The following GREM2 variants were observed in gnomAD, a reference collection of about 807,000 sequenced individuals.
GREM2 encodes the protein gremlin 2, DAN family BMP antagonist, also known as gremlin-2.
GREM2 carries 11 observed loss-of-function variants against 14.2 expected under a neutral mutation model. The ratio of observed to expected loss-of-function variants is 0.78; its 90% CI spans 0.49 to 1.28. GREM2 has a LOEUF of 1.28. GREM2 is among the 50% of genes most tolerant of loss of function. GREM2 has a pLI of 0.00. For missense variants in GREM2, 210 were observed against 218.5 expected (o/e 0.96, Z 0.24); for synonymous variants, 98 against 97.6 (o/e 1.00, Z -0.02).
intron 1 of GREM2, among the ~76,000 whole-genome samples, chr1:240,546,998 C>T (rs1163106693): frequency 6.6e-6 from 1 of 152,070 alleles, no homozygotes; most frequent in Non-Finnish European, 1.5e-5. Context: ...AGAGAAGACA[C>T]TGAAGACCGA....
At chr1:240,526,827 G>A (rs1183498873) in intron 1 of GREM2, among the ~76,000 whole-genome samples, 1 of 152,228 alleles carries the variant, frequency 6.6e-6, no homozygotes, top group Non-Finnish European at 1.5e-5. Context: ...GAATTTGGAT[G>A]TCGCCAGGTT....
intron 1 of GREM2, among the ~76,000 whole-genome samples, chr1:240,607,425 T>A (rs1029265401): frequency 2.0e-5 from 3 of 152,218 alleles, no homozygotes; most frequent in African/African-American, 4.8e-5. Flanking sequence ...TTTGCCTGTT[T>A]CCTTCAAAGT....
In GREM2 at chr1:240,501,677, C is replaced by T. The variant is rs527388856; in HGVS notation, c.-1-8201G>A. On this transcript the variant is annotated intron_variant, in intron 1 of 1. Coordinates refer to ENST00000318160, the MANE Select transcript of GREM2 (RefSeq NM_022469.4). Reference sequence around the variant, plus strand: ...CTTCTCTCTAGGGTACATCCATGTGCGGATGGGAGGGAGAACATGGTTTCT... The same window carrying T: ...CTTCTCTCTAGGGTACATCCATGTGTGGATGGGAGGGAGAACATGGTTTCT... 2.2e-4 allele frequency among the ~76,000 whole-genome samples: 33 copies of T among 152,240 alleles called. 1 individual carries two copies. The South Asian group carries it at 5.6e-3, about 26-fold the overall frequency.
intron 1 of GREM2, among the ~76,000 whole-genome samples, chr1:240,502,870 C>A (rs1025440365): frequency 6.6e-6 from 1 of 152,178 alleles, no homozygotes; most frequent in Non-Finnish European, 1.5e-5. Flanking sequence ...TTGGTCCAAG[C>A]CAATTGGTTA....
At chr1:240,604,033 G>C (rs991786320) in intron 1 of GREM2, among the ~76,000 whole-genome samples, 5 of 151,510 alleles carry the variant, frequency 3.3e-5, no homozygotes, top group African/African-American at 1.2e-4. Flanking sequence ...AGGGGTTAAG[G>C]GGAGGCAGGG....
At chr1:240,586,209 T>C (rs1679597644) in intron 1 of GREM2, among the ~76,000 whole-genome samples, 1 of 152,212 alleles carries the variant, frequency 6.6e-6, no homozygotes. Context: ...ATAGAGTTAC[T>C]TTCTCACTAA....
At chr1:240,501,303 T>C (rs1327524622) in intron 1 of GREM2, among the ~76,000 whole-genome samples, 3 of 152,200 alleles carry the variant, frequency 2.0e-5, no homozygotes, top group African/African-American at 4.8e-5. Flanking sequence ...AAGTTTGAAA[T>C]CCAAATGGAT....
chr1:240,577,735 C>A (rs114798984), intron 1 of GREM2, among the ~76,000 whole-genome samples: 1,664 of 152,202 alleles, frequency 0.011, 26 homozygotes, highest in African/African-American at 0.037. Flanking sequence ...ACAGTATTAG[C>A]GATTTTTAAA....
chr1:240,535,677 T>C (rs1678455826), intron 1 of GREM2, among the ~76,000 whole-genome samples: 1 of 151,562 alleles, frequency 6.6e-6, no homozygotes, highest in African/African-American at 2.4e-5. Context: ...TGCATGCCTG[T>C]AATCCCAGTT....
chr1:240,549,552 C>A (rs1678804289), intron 1 of GREM2, among the ~76,000 whole-genome samples: 1 of 152,102 alleles, frequency 6.6e-6, no homozygotes, highest in Admixed American at 6.6e-5. Flanking sequence ...AACAAAAAAA[C>A]CGGTGCATCT....
intron 1 of GREM2, among the ~76,000 whole-genome samples, chr1:240,495,470 A>G (rs11584006): frequency 0.037 from 5,594 of 152,328 alleles, 119 homozygotes; most frequent in Middle Eastern, 0.078. Context: ...TTTACGTCTT[A>G]AATATATCCA....
Position 240,542,145 on chromosome 1 carries a change from C to T in GREM2, c.-1-48669G>A, listed in dbSNP as rs34507889. On this transcript the variant is annotated intron_variant, in intron 1 of 1. Coordinates refer to ENST00000318160, the MANE Select transcript of GREM2 (RefSeq NM_022469.4). The surrounding 1 kb of genome is among the most constrained non-coding windows in gnomAD (Gnocchi z 4.1). ...AGGATGCCGAACATCCTGCAATGCA[C>T]AAGACAGTCCTCCACGACAAAACAC... Among the ~76,000 whole-genome samples, 640 of 152,152 alleles carry T rather than the reference C, an allele frequency of 4.2e-3. 2 individuals are homozygous for T. Among genetic ancestry groups the T allele is most frequent in the Admixed American group, 5.8e-3 (88 of 15,270 alleles).
In GREM2 at chr1:240,573,470, T is replaced by C. The variant is rs138729001; in HGVS notation, c.-2+38414A>G. ...ATTTTGATATTTTGTTCACCATGGA[T>C]TTTTTTGGCATTAATTTTGATGTTT... On this transcript the variant is annotated intron_variant, in intron 1 of 1. Coordinates refer to ENST00000318160, the MANE Select transcript of GREM2 (RefSeq NM_022469.4). 1.9e-3 allele frequency among the ~76,000 whole-genome samples: 292 copies of C among 152,286 alleles called. 1 individual carries two copies. The highest frequency in any genetic ancestry group is 6.7e-3 in the African/African-American group (279 of 41,544).
At chr1:240,571,553 G>A (rs754580203) in intron 1 of GREM2, among the ~76,000 whole-genome samples, 4 of 151,974 alleles carry the variant, frequency 2.6e-5, no homozygotes, top group South Asian at 4.2e-4. Context: ...AAAATTAGCC[G>A]GGCATGGTGG....
At chr1:240,516,211 T>C (rs1373668723) in intron 1 of GREM2, among the ~76,000 whole-genome samples, 1 of 151,112 alleles carries the variant, frequency 6.6e-6, no homozygotes, top group African/African-American at 2.4e-5. Context: ...TTATCCCACC[T>C]CAGTATCCCC....
chr1:240,497,967 A>G (rs1255213453), intron 1 of GREM2, among the ~76,000 whole-genome samples: 1 of 152,202 alleles, frequency 6.6e-6, no homozygotes, highest in Non-Finnish European at 1.5e-5. Flanking sequence ...CCAGCCAGGA[A>G]AGATTGACAG....
chr1:240,497,131 T>C (rs1677442042), intron 1 of GREM2, among the ~76,000 whole-genome samples: 1 of 152,020 alleles, frequency 6.6e-6, no homozygotes, highest in Non-Finnish European at 1.5e-5. Flanking sequence ...GTGACAAAGG[T>C]ATTTAGGAAG....
chr1:240,587,688 T>C (rs1044498839), intron 1 of GREM2, among the ~76,000 whole-genome samples: 70 of 152,334 alleles, frequency 4.6e-4, no homozygotes, highest in African/African-American at 1.7e-3. Flanking sequence ...AGCTGCATTA[T>C]GTTACATTGT....
intron 1 of GREM2, among the ~76,000 whole-genome samples, chr1:240,596,136 C>T (rs1444492813): frequency 6.6e-6 from 1 of 152,016 alleles, no homozygotes; most frequent in Non-Finnish European, 1.5e-5. Flanking sequence ...TTTTTGTTGT[C>T]ATTATTATTA....
Sources: allele counts gnomAD v4.1 joint callset (sites outside exome capture counted in the v4.1 genomes callset), GRCh38; gene constraint gnomAD v4.1.1; non-coding constraint Gnocchi (gnomAD v3.1); transcripts MANE v1.5; gene names NCBI Gene and HGNC (gene_info 2026-07-23, HGNC 2026-07-21).